The following PTPN4 variants were observed in gnomAD, a reference collection of about 807,000 sequenced individuals.
PTPN4 encodes the protein tyrosine-protein phosphatase non-receptor type 4.
In PTPN4, 49 loss-of-function variants were observed where a neutral mutation model predicts 135.5. The ratio of observed to expected loss-of-function variants is 0.36; its 90% CI spans 0.29 to 0.46. The LOEUF (loss-of-function observed/expected upper bound fraction) is 0.46. PTPN4 is among the 20% of genes least tolerant of loss of function. PTPN4 has a pLI of 1.00. For missense variants in PTPN4, 860 were observed against 1,101.0 expected, an observed-to-expected ratio of 0.78 and a Z score of 3.10; for synonymous variants, 333 against 369.9, an observed-to-expected ratio of 0.90 and a Z score of 1.14.
chr2:119,761,063 T>G (rs1209755174), intron 1 of PTPN4, among the ~76,000 whole-genome samples: 1 of 152,104 alleles, frequency 6.6e-6, no homozygotes, highest in Non-Finnish European at 1.5e-5. Context: ...ATTTGTAGGA[T>G]TTTTCAAAAC....
At chr2:119,777,995 G>C (rs1392606501) in intron 1 of PTPN4, among the ~76,000 whole-genome samples, 1 of 152,020 alleles carries the variant, frequency 6.6e-6, no homozygotes, top group Non-Finnish European at 1.5e-5. Flanking sequence ...AAACTCTATA[G>C]AGACCGGCAT....
intron 26 of PTPN4, among the ~76,000 whole-genome samples, chr2:119,974,481 T>C (rs1213892930): frequency 6.6e-6 from 1 of 152,174 alleles, no homozygotes; most frequent in Non-Finnish European, 1.5e-5. Flanking sequence ...AGTGCTGGGA[T>C]TACAGGAGTG....
intron 15 of PTPN4, among the ~76,000 whole-genome samples, chr2:119,941,906 C>T (rs957748110): frequency 3.3e-5 from 5 of 152,166 alleles, no homozygotes; most frequent in Non-Finnish European, 5.9e-5. Flanking sequence ...TTATAGAGCT[C>T]ATGCTGCATC....
intron 2 of PTPN4, among the ~76,000 whole-genome samples, chr2:119,821,534 A>G (rs1266911020): frequency 6.6e-6 from 1 of 151,946 alleles, no homozygotes; most frequent in Non-Finnish European, 1.5e-5. Flanking sequence ...TTTGTTTATG[A>G]TAAACTTCAG....
At chr2:119,955,424 A>G (rs1679265752) in intron 20 of PTPN4, 101 bp downstream of exon 20, 1 of 1,007,856 alleles carries the variant, frequency 9.9e-7, no homozygotes, top group Admixed American at 4.0e-5. Flanking sequence ...TTTCTAAACT[A>G]AAATGATATT....
At chr2:119,861,151 G>A (rs548629540) in intron 2 of PTPN4, among the ~76,000 whole-genome samples, 25 of 152,272 alleles carry the variant, frequency 1.6e-4, no homozygotes, top group Admixed American at 8.5e-4. Context: ...CAGAGAAGCA[G>A]AAGGGGAAGT....
At position 119,809,899 on chromosome 2, in the gene PTPN4, C is replaced by A. The variant is rs1187367972; in HGVS notation, c.46C>A (p.Arg16=). ...GCCTGCTGGCAGAACCTACAATGTA[C>A]GAGCATCAGAGTTGGCCCGAGACAG... is the stretch of plus-strand genomic sequence containing the variant. ...RLPAGRTYNV[R]ASELARDRQH... Residue 16 remains arginine (R), a synonymous_variant, in exon 2 of 27, where the codon CGA becomes AGA. Coordinates refer to ENST00000263708, the MANE Select transcript of PTPN4 (RefSeq NM_002830.4). 4 of 1,613,126 alleles carry A rather than the reference C, an allele frequency of 2.5e-6. No individual in the cohort carries two copies. The highest frequency in any genetic ancestry group is 2.5e-6 in the Non-Finnish European group (3 of 1,179,742).
chr2:119,820,542 A>G (rs1025083752), intron 2 of PTPN4, among the ~76,000 whole-genome samples: 2 of 152,178 alleles, frequency 1.3e-5, no homozygotes, highest in Non-Finnish European at 2.9e-5. Flanking sequence ...AAGACCTGGA[A>G]GGTCTGGCTC....
intron 15 of PTPN4, among the ~76,000 whole-genome samples, chr2:119,942,089 G>GT (rs1409830229): frequency 6.6e-6 from 1 of 152,178 alleles, no homozygotes; most frequent in Non-Finnish European, 1.5e-5. Context: ...TGGTCCAAAT[G>GT]TATGTTGGCC....
At chr2:119,902,834 A>G (rs751093681) in intron 10 of PTPN4, among the ~76,000 whole-genome samples, 7 of 152,312 alleles carry the variant, frequency 4.6e-5, no homozygotes, top group Non-Finnish European at 8.8e-5. Context: ...TGAGACTAGC[A>G]TAGGGAGCTG....
At chr2:119,971,443 T>C (rs2105065838) in intron 26 of PTPN4, among the ~76,000 whole-genome samples, 1 of 152,370 alleles carries the variant, frequency 6.6e-6, no homozygotes. Context: ...TTAAGCATCT[T>C]TACATGTGAT....
intron 26 of PTPN4, among the ~76,000 whole-genome samples, chr2:119,975,156 G>T (rs534089822): frequency 1.1e-4 from 17 of 152,210 alleles, no homozygotes; most frequent in African/African-American, 4.1e-4. Context: ...TCTGTTGCCA[G>T]GCTGGTTTGC....
In PTPN4 at chr2:119,760,275, G is replaced by C; in HGVS notation, c.-127G>C. ...CGCTGCGGCGGCGGCTGCTCGGGGG[G>C]CGCTGAGGTAGCCCCCCGGAGCGGC... On this transcript the variant is annotated 5_prime_UTR_variant, in exon 1 of 27. Coordinates refer to ENST00000263708, the MANE Select transcript of PTPN4 (RefSeq NM_002830.4). 1 of 396,294 alleles carries C rather than the reference G, an allele frequency of 2.5e-6. No individual in the cohort carries two copies. Among genetic ancestry groups the C allele is most frequent in the Admixed American group, 4.4e-5 (1 of 22,664 alleles). 24.5% of individuals were successfully genotyped at this position (396,294 alleles called of 1,614,324 possible).
chr2:119,787,327 G>A (rs956153194), intron 1 of PTPN4, among the ~76,000 whole-genome samples: 70 of 152,140 alleles, frequency 4.6e-4, no homozygotes, highest in African/African-American at 1.6e-3. Context: ...GAATACTGCT[G>A]AGTACAGAGC....
intron 15 of PTPN4, among the ~76,000 whole-genome samples, chr2:119,938,187 G>GCACAATC: frequency 6.7e-6 from 1 of 148,514 alleles, no homozygotes; most frequent in East Asian, 2.0e-4. Context: ...GAGTGCAGTG[G>GCACAATC]CACAATCTTG....
chr2:119,972,026 A>G (rs1005627730), intron 26 of PTPN4, among the ~76,000 whole-genome samples: 5 of 152,206 alleles, frequency 3.3e-5, no homozygotes, highest in South Asian at 2.1e-4. Flanking sequence ...CTAGTACTAC[A>G]CTGTCATCAT....
intron 1 of PTPN4, among the ~76,000 whole-genome samples, chr2:119,795,196 A>G (rs895450525): frequency 1.5e-4 from 23 of 152,026 alleles, no homozygotes; most frequent in Non-Finnish European, 2.6e-4. Flanking sequence ...TGCTTGGTCC[A>G]TGGGTGGCCA....
At chr2:119,818,281 GT>G (rs2104953931) in intron 2 of PTPN4, among the ~76,000 whole-genome samples, 1 of 152,148 alleles carries the variant, frequency 6.6e-6, no homozygotes, top group Non-Finnish European at 1.5e-5. Context: ...TGACTGTCTT[GT>G]CTCTTGATTG....
chr2:119,932,739 C>G (rs1055460407), intron 14 of PTPN4, among the ~76,000 whole-genome samples, 190 bp downstream of exon 14: 1 of 152,188 alleles, frequency 6.6e-6, no homozygotes, highest in African/African-American at 2.4e-5. Flanking sequence ...ATGGTATAGA[C>G]TTGCGGAATG....
Sources: allele counts gnomAD v4.1 joint callset (sites outside exome capture counted in the v4.1 genomes callset), GRCh38; gene constraint gnomAD v4.1.1; transcripts MANE v1.5; gene names NCBI Gene and HGNC (gene_info 2026-07-23, HGNC 2026-07-21).